The following RPS6KA2 variants were observed in gnomAD, a reference collection of about 807,000 sequenced individuals.
RPS6KA2 encodes ribosomal protein S6 kinase alpha-2.
A neutral mutation model predicts 91.8 loss-of-function variants in RPS6KA2; 42 were observed. The ratio of observed to expected loss-of-function variants is 0.46; its 90% CI spans 0.36 to 0.59. The LOEUF is 0.59. Among genes scored for constraint, RPS6KA2 ranks in the 20% least tolerant of loss-of-function variants. The probability of loss-of-function intolerance (pLI) is 0.00; values close to 1 mark genes in which losing one functional copy is unlikely to be tolerated. For synonymous variants in RPS6KA2, 414 were observed against 393.6 expected (o/e 1.05, Z -0.61); for missense variants, 798 against 978.5 (o/e 0.82, Z 2.46).
rs1554275248 is a variant in RPS6KA2, at chr6:166,453,197, T to TCACACACAATCACA, written c.1076-1965_1076-1964insTGTGATTGTGTGTG. Among the ~76,000 whole-genome samples, 227 of 141,230 alleles carry TCACACACAATCACA rather than the reference T, an allele frequency of 1.6e-3. 1 individual carries two copies. Among genetic ancestry groups the TCACACACAATCACA allele is most frequent in the African/African-American group, 5.6e-3 (217 of 38,784 alleles). The allele number at this position is 141,230 out of a possible 152,430, so 92.7% of individuals were successfully genotyped here. On this transcript the variant is annotated intron_variant, in intron 12 of 20. Coordinates refer to ENST00000265678, the MANE Select transcript of RPS6KA2 (RefSeq NM_021135.6). ...GCCTGGGCGACAGAGTGAGACTCCA[T>TCACACACAATCACA]CACACACACACACACACACACACAC...
Position 166,626,995 on chromosome 6 carries a change from C to T in RPS6KA2, c.25G>A (p.Ala9Thr). Reference sequence around the variant, plus strand: ...TACACAGAGAAGAACCTGCGCACGGCGAACTTCTTCATGCTCAGGTCCATC... The same window carrying T: ...TACACAGAGAAGAACCTGCGCACGGTGAACTTCTTCATGCTCAGGTCCATC... MDLSMKKF[A>T]VRRFFSVYLR... The change falls in exon 1 of 21, where the codon GCC becomes ACC. Residue 9 changes from alanine to threonine, a missense_variant. By Grantham distance (58) the Ala-to-Thr change is moderately conservative. Coordinates refer to ENST00000265678, the MANE Select transcript of RPS6KA2 (RefSeq NM_021135.6). This position sits in a 1 kb window ranked among gnomAD's most constrained non-coding sequence, Gnocchi z 4.1. The T allele has an allele frequency of 6.4e-7, 1 of 1,550,544 alleles. No homozygotes were observed. Among genetic ancestry groups the T allele is most frequent in the Non-Finnish European group, 8.7e-7 (1 of 1,147,118 alleles).
intron 1 of RPS6KA2, among the ~76,000 whole-genome samples, chr6:166,574,253 C>T (rs1033655113): frequency 5.9e-5 from 9 of 152,084 alleles, no homozygotes; most frequent in Non-Finnish European, 8.8e-5. Flanking sequence ...TATGGGTGGC[C>T]CCGTCACCCG....
At chr6:166,567,434 C>T (rs1388454615) in intron 1 of RPS6KA2, among the ~76,000 whole-genome samples, 3 of 152,144 alleles carry the variant, frequency 2.0e-5, no homozygotes, top group Admixed American at 6.5e-5. Context: ...TGAGTGGCCA[C>T]GTGAGAGCAG....
At chr6:166,571,038 G>A (rs1307555065) in intron 1 of RPS6KA2, among the ~76,000 whole-genome samples, 11 of 152,208 alleles carry the variant, frequency 7.2e-5, no homozygotes, top group African/African-American at 2.4e-5. Flanking sequence ...GAGAGAAGTC[G>A]CACTGCCAGA....
chr6:166,567,728 C>A (rs1446103779), intron 1 of RPS6KA2, among the ~76,000 whole-genome samples: 1 of 152,194 alleles, frequency 6.6e-6, no homozygotes, highest in Non-Finnish European at 1.5e-5. Context: ...ACATGCTCGG[C>A]CCTCAGTCTA....
chr6:166,663,629 A>G (rs1788224830), intron 2 of RPS6KA2, among the ~76,000 whole-genome samples: 1 of 152,184 alleles, frequency 6.6e-6, no homozygotes, highest in African/African-American at 2.4e-5. Context: ...AACTATTCCT[A>G]CCATCCCTCT....
At position 166,647,988 on chromosome 6, in the gene RPS6KA2, ACGCACATGCTCACACACG is replaced by A. The variant is rs1453088249; in HGVS notation, c.124-109222_124-109205del. 5.7e-4 allele frequency among the ~76,000 whole-genome samples: 60 copies of A among 104,662 alleles called. 1 individual carries two copies. The highest frequency in any genetic ancestry group is 2.5e-3 in the African/African-American group (60 of 23,746). The allele number at this position is 104,662 out of a possible 152,430, so 68.7% of individuals were successfully genotyped here. A position where few individuals can be genotyped will look rare whatever the true frequency, so the allele number is the denominator to read the frequency against. On this transcript the variant is annotated intron_variant, in intron 2 of 21. Coordinates refer to the RPS6KA2 transcript ENST00000503859. ...CATACATACACACATGCTCACACACACGCACATGCTCACACACGCACATGCTTACACACATACATACAC... is the reference window on the plus strand; with the variant it reads ...CATACATACACACATGCTCACACACACACATGCTTACACACATACATACAC...
intron 2 of RPS6KA2, among the ~76,000 whole-genome samples, chr6:166,836,192 G>A (rs1780311525): frequency 6.6e-6 from 1 of 151,974 alleles, no homozygotes; most frequent in Non-Finnish European, 1.5e-5. Context: ...TGGTCCTATA[G>A]TTTTCTGTTT....
chr6:166,842,960 G>A (rs1780522510), intron 2 of RPS6KA2, among the ~76,000 whole-genome samples: 2 of 152,182 alleles, frequency 1.3e-5, no homozygotes, highest in African/African-American at 4.8e-5. Context: ...AAAACCGTGA[G>A]TCTGCCTGCC....
chr6:166,589,305 C>T (rs538351279), intron 1 of RPS6KA2, among the ~76,000 whole-genome samples: 89 of 152,334 alleles, frequency 5.8e-4, no homozygotes, highest in African/African-American at 2.0e-3. Flanking sequence ...GGTTCCTTTG[C>T]TCATTTTCAC....
intron 2 of RPS6KA2, chr6:166,857,965 G>GCCTT (rs1205020817): frequency 1.9e-6 from 1 of 537,048 alleles, no homozygotes; most frequent in Non-Finnish European, 3.3e-6. Context: ...TCGATGGACA[G>GCCTT]CCTTCCGTCC....
chr6:166,741,953 C>A (rs1790829498), intron 2 of RPS6KA2, among the ~76,000 whole-genome samples: 1 of 152,084 alleles, frequency 6.6e-6, no homozygotes, highest in South Asian at 2.1e-4. Context: ...ATAGTGAAAC[C>A]CCCGTCTCTA....
intron 2 of RPS6KA2, among the ~76,000 whole-genome samples, chr6:166,679,729 C>T (rs141471517): frequency 0.019 from 2,846 of 152,304 alleles, 98 homozygotes; most frequent in African/African-American, 0.065. Context: ...AGGCCGGAGC[C>T]GGCTCTCTCT....
intron 2 of RPS6KA2, among the ~76,000 whole-genome samples, chr6:166,703,631 A>G (rs1210412973): frequency 6.6e-6 from 1 of 152,188 alleles, no homozygotes; most frequent in African/African-American, 2.4e-5. Context: ...TTTCTTCTGA[A>G]GTCTTTCTCT....
intron 12 of RPS6KA2, among the ~76,000 whole-genome samples, chr6:166,453,407 A>T (rs1175718888): frequency 2.0e-5 from 3 of 152,218 alleles, no homozygotes; most frequent in Non-Finnish European, 4.4e-5. Context: ...AAAATTGACC[A>T]GAGGACATAA....
At chr6:166,815,405 C>A (rs1779736902) in intron 2 of RPS6KA2, among the ~76,000 whole-genome samples, 1 of 152,122 alleles carries the variant, frequency 6.6e-6, no homozygotes, top group African/African-American at 2.4e-5. Flanking sequence ...ATATTTTTTT[C>A]ATCAAACTGC....
At chr6:166,457,675 G>A (rs772216008) in intron 12 of RPS6KA2, among the ~76,000 whole-genome samples, 1 of 152,110 alleles carries the variant, frequency 6.6e-6, no homozygotes, top group Non-Finnish European at 1.5e-5. Context: ...ATGTGGCCTG[G>A]GTCAGGAGCT....
chr6:166,678,397 G>A (rs1788678935), intron 2 of RPS6KA2, among the ~76,000 whole-genome samples: 2 of 152,218 alleles, frequency 1.3e-5, no homozygotes, highest in Admixed American at 1.3e-4. Context: ...CAAGCCCACT[G>A]ACCGCAGAAG....
chr6:166,720,106 T>C (rs578121488), intron 2 of RPS6KA2, among the ~76,000 whole-genome samples: 5 of 152,376 alleles, frequency 3.3e-5, no homozygotes, highest in Admixed American at 2.0e-4. Context: ...GGATTCCTCA[T>C]TGAAATAATT....
Sources: gnomAD v4.1 joint callset for allele counts (sites outside exome capture counted in the v4.1 genomes callset) on GRCh38, gnomAD v4.1.1 for gene constraint, Gnocchi (gnomAD v3.1) non-coding constraint, MANE v1.5 for transcripts, NCBI Gene and HGNC (gene_info 2026-07-23, HGNC 2026-07-21) for gene names.